CRPPA: variants seen among roughly 807,000 people sequenced by gnomAD.
CRPPA encodes the protein CDP-L-ribitol pyrophosphorylase A, also known as D-ribitol-5-phosphate cytidylyltransferase.
In CRPPA, 43 loss-of-function variants were observed where a neutral mutation model predicts 52.0. That is an observed-to-expected ratio of 0.83 (90% confidence interval 0.65 to 1.07). The LOEUF (loss-of-function observed/expected upper bound fraction) is 1.07, where lower values mean the gene tolerates loss of function less well. Among genes scored for constraint, CRPPA ranks in the 50% least tolerant of loss-of-function variants. The probability of loss-of-function intolerance (pLI) is 0.00; values close to 1 mark genes in which losing one functional copy is unlikely to be tolerated. For synonymous variants in CRPPA, 250 were observed against 203.5 expected (o/e 1.23, Z -1.94); for missense variants, 629 against 551.7 (o/e 1.14, Z -1.40).
intron 3 of CRPPA, among the ~76,000 whole-genome samples, chr7:16,357,052 T>C (rs943960403): frequency 6.6e-6 from 1 of 152,194 alleles, no homozygotes; most frequent in African/African-American, 2.4e-5. Context: ...TGCTGAAGTA[T>C]CTGTTTTTCT....
chr7:16,384,977 T>C (rs940794417), intron 2 of CRPPA, among the ~76,000 whole-genome samples: 1 of 152,194 alleles, frequency 6.6e-6, no homozygotes, highest in African/African-American at 2.4e-5. Context: ...ATATCACTAA[T>C]GTTAAGCAGT....
At chr7:16,124,863 T>A (rs964944960) in intron 9 of CRPPA, among the ~76,000 whole-genome samples, 1 of 149,814 alleles carries the variant, frequency 6.7e-6, no homozygotes, top group Non-Finnish European at 1.5e-5. Context: ...AAAATAATTT[T>A]AAAATAAAAA....
chr7:16,156,868 G>C (rs1384128806), intron 9 of CRPPA, among the ~76,000 whole-genome samples: 2 of 152,102 alleles, frequency 1.3e-5, no homozygotes, highest in Non-Finnish European at 2.9e-5. Context: ...GGGGCTCATA[G>C]ATCACCTGAA....
At chr7:16,245,566 A>T (rs1416448402) in intron 8 of CRPPA, among the ~76,000 whole-genome samples, 1 of 152,194 alleles carries the variant, frequency 6.6e-6, no homozygotes, top group Non-Finnish European at 1.5e-5. Context: ...GATTTGCTCC[A>T]TCCTATGGAT....
At chr7:16,305,451 T>A (rs1784887456) in intron 4 of CRPPA, among the ~76,000 whole-genome samples, 1 of 152,214 alleles carries the variant, frequency 6.6e-6, no homozygotes, top group African/African-American at 2.4e-5. Context: ...AGCTCTCTAC[T>A]TCCATTCCAT....
intron 2 of CRPPA, among the ~76,000 whole-genome samples, chr7:16,394,689 G>A (rs1787526735): frequency 6.6e-6 from 1 of 152,102 alleles, no homozygotes; most frequent in Non-Finnish European, 1.5e-5. Flanking sequence ...ATACAATTAT[G>A]GCAGGATTGG....
intron 2 of CRPPA, among the ~76,000 whole-genome samples, chr7:16,386,614 T>C (rs191092608): frequency 1.4e-3 from 217 of 152,242 alleles, no homozygotes; most frequent in African/African-American, 4.8e-3. Flanking sequence ...AGGAGGTGGA[T>C]AGGGATAAAG....
At chr7:16,362,144 G>A (rs999544696) in intron 3 of CRPPA, among the ~76,000 whole-genome samples, 2 of 152,204 alleles carry the variant, frequency 1.3e-5, no homozygotes, top group African/African-American at 2.4e-5. Context: ...GTGAGCCACC[G>A]CGCTCGGCCT....
intron 9 of CRPPA, among the ~76,000 whole-genome samples, chr7:16,156,698 T>C (rs1437232146): frequency 6.6e-6 from 1 of 152,010 alleles, no homozygotes; most frequent in East Asian, 1.9e-4. Flanking sequence ...AATACAGAGG[T>C]TTCATGGCAA....
intron 6 of CRPPA, among the ~76,000 whole-genome samples, chr7:16,263,517 C>T (rs906723968): frequency 2.0e-5 from 3 of 152,244 alleles, no homozygotes; most frequent in Non-Finnish European, 2.9e-5. Flanking sequence ...TCTGGGAGGC[C>T]GAGGTGGGTG....
chr7:16,352,636 T>C (rs998442921), intron 3 of CRPPA, among the ~76,000 whole-genome samples: 5 of 152,156 alleles, frequency 3.3e-5, no homozygotes, highest in African/African-American at 1.2e-4. Flanking sequence ...AAGGGAACCC[T>C]TGTACTTTGT....
chr7:16,386,385 C>A (rs1451079931), intron 2 of CRPPA, among the ~76,000 whole-genome samples: 2 of 152,072 alleles, frequency 1.3e-5, no homozygotes, highest in Non-Finnish European at 2.9e-5. Flanking sequence ...GTGTGGCAGG[C>A]CAAAAGGCAA....
chr7:16,407,648 C>G (rs191588625), intron 1 of CRPPA, among the ~76,000 whole-genome samples: 22 of 152,302 alleles, frequency 1.4e-4, no homozygotes, highest in Admixed American at 5.9e-4. Flanking sequence ...CCAGTAATGT[C>G]TCCTACCTCT....
chr7:16,260,330 TG>T (rs956660387), intron 6 of CRPPA, among the ~76,000 whole-genome samples: 4 of 152,036 alleles, frequency 2.6e-5, no homozygotes, highest in African/African-American at 9.7e-5. Context: ...TAGGCTTACT[TG>T]GCATTCCAGA....
At chr7:16,186,597 T>A (rs1186904780) in intron 9 of CRPPA, among the ~76,000 whole-genome samples, 2 of 152,332 alleles carry the variant, frequency 1.3e-5, no homozygotes, top group Middle Eastern at 3.4e-3. Flanking sequence ...GTTGATACAT[T>A]TATTATTTTT....
chr7:16,235,680 A>G (rs1433931454), intron 8 of CRPPA, among the ~76,000 whole-genome samples: 2 of 152,098 alleles, frequency 1.3e-5, no homozygotes, highest in Non-Finnish European at 2.9e-5. Flanking sequence ...AAAAGAAGGT[A>G]TCTTAGAGCC....
chr7:16,403,323 T>C (rs762930395), intron 2 of CRPPA, among the ~76,000 whole-genome samples: 7 of 152,218 alleles, frequency 4.6e-5, no homozygotes, highest in Non-Finnish European at 1.0e-4. Context: ...GCTTTTGAGC[T>C]CTACAACCTT....
intron 9 of CRPPA, among the ~76,000 whole-genome samples, chr7:16,144,488 A>C (rs2128376795): frequency 6.6e-6 from 1 of 152,306 alleles, no homozygotes; most frequent in Admixed American, 6.5e-5. Flanking sequence ...GAAGGCCAGA[A>C]GGTTTTGCAA....
intron 2 of CRPPA, among the ~76,000 whole-genome samples, chr7:16,399,025 C>T (rs976588574): frequency 1.3e-5 from 2 of 152,178 alleles, no homozygotes; most frequent in Non-Finnish European, 2.9e-5. Flanking sequence ...GACATGTGAC[C>T]AACACGTTTA....
Sources: allele counts gnomAD v4.1 joint callset (sites outside exome capture counted in the v4.1 genomes callset), GRCh38; gene constraint gnomAD v4.1.1; transcripts MANE v1.5; gene names NCBI Gene and HGNC (gene_info 2026-07-23, HGNC 2026-07-21).